FGD6: variants seen among roughly 807,000 people sequenced by gnomAD.
FGD6 encodes FYVE, RhoGEF and PH domain-containing protein 6.
Under a neutral mutation model 149.4 loss-of-function variants are expected in FGD6, and 90 were observed. The observed-to-expected ratio is 0.60, with a 90% CI of 0.51 to 0.72. FGD6 has a LOEUF of 0.72. Ranked by LOEUF, FGD6 falls within the 30% of genes least tolerant of loss-of-function variation. FGD6 has a pLI of 0.00. For synonymous variants in FGD6, 527 were observed against 584.0 expected, an observed-to-expected ratio of 0.90 and a Z score of 1.41; for missense variants, 1,437 against 1,684.8, an observed-to-expected ratio of 0.85 and a Z score of 2.57.
At position 95,176,915 on chromosome 12, in the gene FGD6, C is replaced by T. The variant is rs1478243271; in HGVS notation, c.2442-4171G>A. Among the ~76,000 whole-genome samples, 3 of 152,112 alleles carry T rather than the reference C, an allele frequency of 2.0e-5. No homozygotes were observed. The East Asian group carries it at 5.8e-4, about 29-fold the overall frequency. On this transcript the variant is annotated intron_variant, in intron 2 of 20. Coordinates refer to ENST00000343958, the MANE Select transcript of FGD6 (RefSeq NM_018351.4). The stretch of plus-strand genomic sequence containing the variant: ...GTGATCTCAGCTCACTGCAACCTCG[C>T]CTCCCTAGTTCAAGCGATTCTCCCA...
chr12:95,135,740 T>C (rs115080046), intron 7 of FGD6, among the ~76,000 whole-genome samples: 2,897 of 152,324 alleles, frequency 0.019, 87 homozygotes, highest in African/African-American at 0.067. Context: ...GTACCACCAC[T>C]ATCTGGTACA....
chr12:95,210,594 G>A lies in FGD6; in HGVS notation c.690C>T (p.Ser230=), dbSNP rs773855969. Residue 230 remains serine (S), a synonymous_variant, in exon 2 of 21, where the codon TCC becomes TCT. Coordinates refer to ENST00000343958, the MANE Select transcript of FGD6 (RefSeq NM_018351.4). ...IEFADLSPSP[S]SFEKVPDHHS... The stretch of plus-strand genomic sequence containing the variant: ...GATGATCAGGAACTTTTTCAAAGCT[G>A]GATGGGGAAGGTGACAAATCCGCAA... 2 of 1,614,180 alleles carry A rather than the reference G, an allele frequency of 1.2e-6. No individual in the cohort carries two copies. The highest frequency in any genetic ancestry group is 2.2e-5 in the South Asian group (2 of 91,076).
At chr12:95,204,812 CCTGCGGACTAAA>C (rs2056685293) in intron 2 of FGD6, among the ~76,000 whole-genome samples, 1 of 152,152 alleles carries the variant, frequency 6.6e-6, no homozygotes, top group African/African-American at 2.4e-5. Flanking sequence ...GTTAATATAA[CCTGCGGACTAAA>C]CTGAGGACTT....
chr12:95,104,525 C>T (rs546744454), intron 14 of FGD6, among the ~76,000 whole-genome samples: 1 of 152,102 alleles, frequency 6.6e-6, no homozygotes, highest in African/African-American at 2.4e-5. Context: ...CAACCTCCGC[C>T]TCCTGGGTTC....
At chr12:95,107,312 TA>T in intron 12 of FGD6, among the ~76,000 whole-genome samples, 1 of 152,330 alleles carries the variant, frequency 6.6e-6, no homozygotes, top group East Asian at 1.9e-4. Flanking sequence ...TTAGTCTGCC[TA>T]AACAAATGAT....
At chr12:95,195,132 A>G (rs1057027151) in intron 2 of FGD6, among the ~76,000 whole-genome samples, 1 of 152,214 alleles carries the variant, frequency 6.6e-6, no homozygotes, top group Non-Finnish European at 1.5e-5. Context: ...TATAAATTTT[A>G]TATTTAAAAT....
chr12:95,156,717 CA>C (rs1880483249), intron 3 of FGD6, among the ~76,000 whole-genome samples: 1 of 152,076 alleles, frequency 6.6e-6, no homozygotes, highest in Non-Finnish European at 1.5e-5. Context: ...TTTTACGGCT[CA>C]GGGGGCATCA....
At chr12:95,208,678 A>T (rs1012656432) in intron 2 of FGD6, among the ~76,000 whole-genome samples, 165 bp downstream of exon 2, 1 of 152,218 alleles carries the variant, frequency 6.6e-6, no homozygotes, top group African/African-American at 2.4e-5. Flanking sequence ...GCAAATACCC[A>T]TTCCAACTGT....
At chr12:95,153,111 C>G in intron 3 of FGD6, 118 bp from the exon 4 acceptor site, 3 of 795,008 alleles carry the variant, frequency 3.8e-6, no homozygotes, top group Non-Finnish European at 6.2e-6. Flanking sequence ...GCACACAGTT[C>G]ATACCATATA....
chr12:95,211,124 G>A lies in FGD6; in HGVS notation c.160C>T (p.Pro54Ser). ...GAGGTCTTCAGGACTTTTGGTTTTGGGGCTATTGCTGGTTTCATTTTCTTT... is the reference window on the plus strand; with the variant it reads ...GAGGTCTTCAGGACTTTTGGTTTTGAGGCTATTGCTGGTTTCATTTTCTTT... ...STKKMKPAIA[P>S]KPKVLKTSPV... The change falls in exon 2 of 21, where the codon CCA becomes TCA. Residue 54 changes from proline (P) to serine (S), a missense_variant. By Grantham distance (74) the Pro-to-Ser change is moderately conservative. This residue lies in a region of FGD6 where 1,055 missense variants were observed against 1,146.0 expected (regional missense o/e 0.92). Coordinates refer to ENST00000343958, the MANE Select transcript of FGD6 (RefSeq NM_018351.4). 1 of 1,614,184 alleles carries A rather than the reference G, an allele frequency of 6.2e-7. No individual in the cohort carries two copies. Among genetic ancestry groups the A allele is most frequent in the East Asian group, 2.2e-5 (1 of 44,888 alleles).
chr12:95,172,571 T>G, intron 3 of FGD6, 29 bp downstream of exon 3: 1 of 1,542,392 alleles, frequency 6.5e-7, no homozygotes, highest in Non-Finnish European at 8.8e-7. Context: ...TAGGGAGAGG[T>G]CAAGAAGCAA....
At chr12:95,163,017 T>C (rs1880691574) in intron 3 of FGD6, among the ~76,000 whole-genome samples, 1 of 152,216 alleles carries the variant, frequency 6.6e-6, no homozygotes, top group African/African-American at 2.4e-5. Context: ...GCCACTAGAA[T>C]ATTTCTAAAA....
chr12:95,100,114 T>C (rs1245092469), intron 14 of FGD6, among the ~76,000 whole-genome samples: 1 of 146,554 alleles, frequency 6.8e-6, no homozygotes, highest in East Asian at 2.1e-4. Context: ...CTGCTCAGCC[T>C]ACTTTATTCT....
chr12:95,149,504 A>G (rs890235812), intron 5 of FGD6, among the ~76,000 whole-genome samples: 2 of 137,124 alleles, frequency 1.5e-5, no homozygotes, highest in African/African-American at 2.7e-5. Context: ...CATAATATAT[A>G]GTATATTATA....
chr12:95,179,026 A>G (rs1881207771), intron 2 of FGD6, among the ~76,000 whole-genome samples: 1 of 152,330 alleles, frequency 6.6e-6, no homozygotes, highest in South Asian at 2.1e-4. Flanking sequence ...GAAACTGTTT[A>G]AAACTGTCTC....
At chr12:95,214,547 C>T (rs2056743013) in intron 1 of FGD6, among the ~76,000 whole-genome samples, 1 of 152,076 alleles carries the variant, frequency 6.6e-6, no homozygotes, top group African/African-American at 2.4e-5. Context: ...AAATCTAGCA[C>T]CTTTGGATCT....
At position 95,209,408 on chromosome 12, in the gene FGD6, A is replaced by G; in HGVS notation, c.1876T>C (p.Ser626Pro). Reference protein sequence around the residue: ...KPCKDSTKKNSFKKLLSMKLS... With the variant: ...KPCKDSTKKNPFKKLLSMKLS... ...TTCATGCTGAGCAACTTTTTAAAAGAGTTTTTCTTTGTAGAGTCTTTGCAA... is the reference window on the plus strand; with the variant it reads ...TTCATGCTGAGCAACTTTTTAAAAGGGTTTTTCTTTGTAGAGTCTTTGCAA... The change falls in exon 2 of 21, where the codon TCT becomes CCT. Residue 626 changes from serine (S) to proline (P), a missense_variant. By Grantham distance (74) the Ser-to-Pro change is moderately conservative (BLOSUM62 -1). Transcript: ENST00000343958. The G allele has an allele frequency of 6.2e-7, 1 of 1,612,954 alleles. No individual in the cohort carries two copies. Among genetic ancestry groups the G allele is most frequent in the Non-Finnish European group, 8.5e-7 (1 of 1,179,292 alleles).
chr12:95,198,398 C>T (rs1881781921), intron 2 of FGD6, among the ~76,000 whole-genome samples: 1 of 152,186 alleles, frequency 6.6e-6, no homozygotes, highest in Non-Finnish European at 1.5e-5. Context: ...TAGCATAATG[C>T]TGGCATATCG....
At chr12:95,105,177 T>A in intron 13 of FGD6, 91 bp from the exon 14 acceptor site, 1 of 1,030,066 alleles carries the variant, frequency 9.7e-7, no homozygotes, top group East Asian at 2.4e-5. Flanking sequence ...GCTGCTTACA[T>A]CCACAACCAA....
Sources: gnomAD v4.1 joint callset for allele counts (sites outside exome capture counted in the v4.1 genomes callset) on GRCh38, gnomAD v4.1.1 for gene constraint, gnomAD v4.1.1 regional missense constraint, MANE v1.5 for transcripts, NCBI Gene and HGNC (gene_info 2026-07-23, HGNC 2026-07-21) for gene names.